MORC3: variants seen among roughly 807,000 people sequenced by gnomAD.
MORC3 encodes MORC family CW-type zinc finger protein 3.
In MORC3, 31 loss-of-function variants were observed where a neutral mutation model predicts 109.1. The observed-to-expected ratio is 0.28, with a 90% CI of 0.21 to 0.38. The LOEUF (loss-of-function observed/expected upper bound fraction) is 0.38, where lower values mean the gene tolerates loss of function less well. Among genes scored for constraint, MORC3 ranks in the 10% least tolerant of loss-of-function variants. MORC3 has a pLI of 1.00. For missense variants in MORC3, 867 were observed against 1,135.8 expected (o/e 0.76, Z 3.40); for synonymous variants, 395 against 380.7 (o/e 1.04, Z -0.44).
intron 5 of MORC3, 25 bp downstream of exon 5, chr21:36,338,946 C>T (rs756257862): frequency 2.1e-5 from 34 of 1,609,612 alleles, no homozygotes; most frequent in South Asian, 2.2e-5. Context: ...AGATGTTGAC[C>T]GTTTGGGAAG....
intron 9 of MORC3, among the ~76,000 whole-genome samples, chr21:36,356,220 T>G (rs1601531374): frequency 2.0e-5 from 3 of 152,352 alleles, no homozygotes; most frequent in Admixed American, 2.0e-4. Context: ...CTACAGTCTG[T>G]ATATGCTTCA....
At position 36,369,343 on chromosome 21, in the gene MORC3, A is replaced by G; in HGVS notation, c.1975A>G (p.Ile659Val). 2 of 1,614,210 alleles carry G rather than the reference A, an allele frequency of 1.2e-6. No individual in the cohort carries two copies. Among genetic ancestry groups the G allele is most frequent in the Non-Finnish European group, 1.7e-6 (2 of 1,180,050 alleles). The change falls in exon 15 of 17, where the codon ATA becomes GTA. Residue 659 changes from isoleucine (I) to valine (V), a missense_variant. Around this residue, in one of 7 missense-constraint regions of MORC3, gnomAD observed 486 missense variants for 502.1 expected, o/e 0.97. Coordinates refer to ENST00000400485, the MANE Select transcript of MORC3 (RefSeq NM_015358.3). Reference sequence around the variant, plus strand: ...AAAAGAAGAAACTGTTGAAGACGAGATAGACGTAAGAAATGATGCAGTGAT... The same window carrying G: ...AAAAGAAGAAACTGTTGAAGACGAGGTAGACGTAAGAAATGATGCAGTGAT... ...VKKEETVEDE[I>V]DVRNDAVILP...
chr21:36,320,284 G>T lies in MORC3; in HGVS notation c.20G>T (p.Arg7Leu), dbSNP rs752572932. The T allele has an allele frequency of 1.3e-6, 2 of 1,575,290 alleles. No individual in the cohort carries two copies. Among genetic ancestry groups the T allele is most frequent in the Admixed American group, 3.7e-5 (2 of 54,536 alleles). The change falls in exon 1 of 17, where the codon CGC becomes CTC. Residue 7 changes from arginine to leucine, a missense_variant. Arg to Leu is a moderately radical substitution (Grantham distance 102, BLOSUM62 -2). Transcript: ENST00000400485. The part of the protein sequence containing the change: MAAQPP[R>L]GIRLSALCPK... ...CTCAAGATGGCGGCGCAGCCACCCC[G>T]CGGGATACGCCTCAGCGCGGTGAGC...
intron 15 of MORC3, among the ~76,000 whole-genome samples, chr21:36,370,541 TTA>T: frequency 6.7e-6 from 1 of 150,070 alleles, no homozygotes; most frequent in South Asian, 2.1e-4. Context: ...TTTTTCTAGA[TTA>T]TGTCTTTCAA....
rs2085697852 is a variant in MORC3, at chr21:36,360,251, A to G, written c.1399A>G (p.Lys467Glu). 6.2e-7 allele frequency: 1 copy of G among 1,613,300 alleles called. No individual in the cohort carries two copies. The highest frequency in any genetic ancestry group is 8.5e-7 in the Non-Finnish European group (1 of 1,179,552). The stretch of plus-strand genomic sequence containing the variant: ...ACATCCCACTTATGAAAAAACCTAC[A>G]AAAAGACGTGAGTGTTGTATTGATG... ...LVHPTYEKTY[K>E]KTNKEKFRIR... Residue 467 changes from lysine to glutamate, a missense_variant, in exon 12 of 17, where the codon AAA becomes GAA. Lys to Glu is a moderately conservative substitution (Grantham distance 56). Transcript: ENST00000400485.
intron 10 of MORC3, among the ~76,000 whole-genome samples, chr21:36,356,971 AT>A (rs912361812): frequency 8.5e-5 from 13 of 152,200 alleles, no homozygotes; most frequent in African/African-American, 2.4e-4. Flanking sequence ...TTAAGATGCT[AT>A]GGATGGATTA....
intron 5 of MORC3, chr21:36,339,517 A>AG (rs1024756839): frequency 4.7e-5 from 7 of 147,636 alleles, no homozygotes; most frequent in South Asian, 2.5e-4. Context: ...AAAAAAAAAA[A>AG]AAAGAAAAAA....
intron 1 of MORC3, among the ~76,000 whole-genome samples, chr21:36,327,884 T>G (rs1360133420): frequency 1.3e-5 from 2 of 151,974 alleles, no homozygotes; most frequent in Admixed American, 1.3e-4. Flanking sequence ...CTTTTTTGTT[T>G]TTTTTTTTCT....
chr21:36,340,552 C>G (rs866289527), intron 5 of MORC3, among the ~76,000 whole-genome samples: 3 of 151,508 alleles, frequency 2.0e-5, no homozygotes, highest in African/African-American at 7.3e-5. Context: ...AGCATAACTC[C>G]TGGCGTTTTC....
At chr21:36,364,440 C>G (rs910099411) in intron 14 of MORC3, among the ~76,000 whole-genome samples, 181 bp downstream of exon 14, 3 of 152,140 alleles carry the variant, frequency 2.0e-5, no homozygotes, top group African/African-American at 7.2e-5. Flanking sequence ...TAGGCTAAAC[C>G]CTACTTCTGC....
At chr21:36,360,339 C>A in intron 12 of MORC3, 81 bp downstream of exon 12, 2 of 1,363,550 alleles carry the variant, frequency 1.5e-6, no homozygotes, top group Non-Finnish European at 2.1e-6. Context: ...TTTGATGCTT[C>A]TCCAAGGTAA....
intron 2 of MORC3, among the ~76,000 whole-genome samples, chr21:36,336,398 A>G (rs923968301): frequency 1.3e-5 from 2 of 150,710 alleles, no homozygotes; most frequent in Non-Finnish European, 2.9e-5. Flanking sequence ...ATGTGCCACC[A>G]TGCCTGGCGG....
At chr21:36,362,436 G>A (rs553978309) in intron 13 of MORC3, among the ~76,000 whole-genome samples, 69 of 151,820 alleles carry the variant, frequency 4.5e-4, no homozygotes, top group Non-Finnish European at 8.5e-4. Flanking sequence ...CCAGCTACTC[G>A]GGAGGCTGAA....
intron 15 of MORC3, among the ~76,000 whole-genome samples, chr21:36,370,483 C>G (rs2085842501): frequency 6.6e-6 from 1 of 151,348 alleles, no homozygotes; most frequent in African/African-American, 2.4e-5. Context: ...TTTTGGGCAT[C>G]AATTCTGCTT....
chr21:36,329,913 A>G (rs1234584095), intron 1 of MORC3, among the ~76,000 whole-genome samples: 3 of 150,412 alleles, frequency 2.0e-5, no homozygotes, highest in Non-Finnish European at 3.0e-5. Flanking sequence ...CCCAGATTGG[A>G]GTGCAATGAC....
chr21:36,336,417 A>AT (rs1258111443), intron 2 of MORC3, among the ~76,000 whole-genome samples: 1 of 142,682 alleles, frequency 7.0e-6, no homozygotes, highest in African/African-American at 2.6e-5. Context: ...GGATTTTTGT[A>AT]TTTTTTAGTA....
chr21:36,355,391 A>G (rs987778466), intron 9 of MORC3, among the ~76,000 whole-genome samples: 4 of 152,154 alleles, frequency 2.6e-5, no homozygotes, highest in Non-Finnish European at 4.4e-5. Flanking sequence ...ACCCAGTCAG[A>G]AAAAGAATTT....
At chr21:36,337,114 T>C in intron 3 of MORC3, 108 bp downstream of exon 3, 1 of 1,296,814 alleles carries the variant, frequency 7.7e-7, no homozygotes, top group South Asian at 1.4e-5. Flanking sequence ...AAATGCTGTA[T>C]GTACAGTGTG....
At chr21:36,326,604 T>G (rs142471594) in intron 1 of MORC3, among the ~76,000 whole-genome samples, 4 of 152,278 alleles carry the variant, frequency 2.6e-5, no homozygotes, top group Non-Finnish European at 4.4e-5. Context: ...ACTGCAGTTT[T>G]AGGAATCCAC....
Sources: gnomAD v4.1 joint callset for allele counts (sites outside exome capture counted in the v4.1 genomes callset) on GRCh38, gnomAD v4.1.1 for gene constraint, gnomAD v4.1.1 regional missense constraint, MANE v1.5 for transcripts, NCBI Gene and HGNC (gene_info 2026-07-23, HGNC 2026-07-21) for gene names.